PREP: variants seen among roughly 807,000 people sequenced by gnomAD.
PREP encodes the protein dJ355L5.1 (prolyl endopeptidase).
A neutral mutation model predicts 87.6 loss-of-function variants in PREP; 29 were observed. The observed-to-expected ratio is 0.33, with a 90% CI of 0.25 to 0.45. PREP has a LOEUF of 0.45. Ranked by LOEUF, PREP falls within the 20% of genes least tolerant of loss-of-function variation. The pLI is 1.00. For synonymous variants in PREP, 337 were observed against 328.6 expected, an observed-to-expected ratio of 1.03 and a Z score of -0.28; for missense variants, 695 against 886.5, an observed-to-expected ratio of 0.78 and a Z score of 2.74.
chr6:105,394,596 G>A (rs971098458), intron 2 of PREP, among the ~76,000 whole-genome samples: 4 of 152,150 alleles, frequency 2.6e-5, no homozygotes, highest in Non-Finnish European at 5.9e-5. Flanking sequence ...CTGAAAATTT[G>A]GTGAGTTCAG....
At chr6:105,342,624 T>C (rs540498711) in intron 7 of PREP, among the ~76,000 whole-genome samples, 69 of 152,250 alleles carry the variant, frequency 4.5e-4, no homozygotes, top group African/African-American at 1.6e-3. Flanking sequence ...GATTGTATAT[T>C]TAGAAAACCC....
chr6:105,345,529 T>G (rs769765679), intron 7 of PREP, among the ~76,000 whole-genome samples: 7 of 152,210 alleles, frequency 4.6e-5, no homozygotes, highest in Non-Finnish European at 1.0e-4. Context: ...CTACATGTCA[T>G]AGAAAATGCT....
At chr6:105,385,072 C>T (rs951603316) in intron 2 of PREP, among the ~76,000 whole-genome samples, 1 of 152,070 alleles carries the variant, frequency 6.6e-6, no homozygotes, top group African/African-American at 2.4e-5. Flanking sequence ...GACTGGATGA[C>T]CATGAGCAGG....
Position 105,278,141 on chromosome 6 carries a change from T to G in PREP, c.*3A>C. The G allele has an allele frequency of 1.2e-6, 2 of 1,605,022 alleles. No homozygotes were observed. Among genetic ancestry groups the G allele is most frequent in the Non-Finnish European group, 1.7e-6 (2 of 1,173,368 alleles). ...CGCTGTCAGGAGGAAGCACGAAAAC[T>G]GTTTATGGAATCCAGTCGACGTTCA... On this transcript the variant is annotated 3_prime_UTR_variant, in exon 15 of 15. Coordinates refer to ENST00000652536, the MANE Select transcript of PREP (RefSeq NM_002726.5). The surrounding 1 kb of genome is among the most constrained non-coding windows in gnomAD (Gnocchi z 4.2).
intron 7 of PREP, among the ~76,000 whole-genome samples, chr6:105,352,190 T>C (rs532764129): frequency 6.6e-6 from 1 of 152,334 alleles, no homozygotes; most frequent in African/African-American, 2.4e-5. Context: ...ATTAGCTTAG[T>C]GTCTGTCCTT....
At chr6:105,380,258 G>A (rs1257921606) in intron 2 of PREP, among the ~76,000 whole-genome samples, 1 of 152,148 alleles carries the variant, frequency 6.6e-6, no homozygotes, top group Non-Finnish European at 1.5e-5. Flanking sequence ...GGAAACAGCA[G>A]GTGTGGGAGT....
At chr6:105,300,623 T>TAAA (rs138225078) in intron 10 of PREP, among the ~76,000 whole-genome samples, 1 of 146,816 alleles carries the variant, frequency 6.8e-6, no homozygotes, top group Admixed American at 6.8e-5. Flanking sequence ...TGCTTTATGT[T>TAAA]AAAAAAAAAA....
intron 7 of PREP, among the ~76,000 whole-genome samples, chr6:105,343,775 C>T (rs1166765852): frequency 2.7e-4 from 41 of 152,170 alleles, no homozygotes; most frequent in East Asian, 1.9e-4. Context: ...AAAAAATGCT[C>T]ATCATCACTG....
chr6:105,387,216 C>CA (rs60303469), intron 2 of PREP, among the ~76,000 whole-genome samples: 45,203 of 144,462 alleles, frequency 0.31, 8,513 homozygotes, highest in African/African-American at 0.55. Flanking sequence ...GCCTCCATCT[C>CA]AAAAAAAAAA....
chr6:105,282,645 G>A, intron 12 of PREP, 63 bp from the exon 13 acceptor site: 1 of 1,562,114 alleles, frequency 6.4e-7, no homozygotes, highest in Non-Finnish European at 8.7e-7. Flanking sequence ...TTAATCTAAT[G>A]GGAATTCAAA....
At chr6:105,279,654 C>T (rs1770030723) in intron 14 of PREP, among the ~76,000 whole-genome samples, 1 of 152,176 alleles carries the variant, frequency 6.6e-6, no homozygotes, top group African/African-American at 2.4e-5. Context: ...GTGTGCTGGG[C>T]TTGAGGAGCT....
chr6:105,295,000 C>G (rs1269507572), intron 10 of PREP, among the ~76,000 whole-genome samples: 1 of 152,156 alleles, frequency 6.6e-6, no homozygotes, highest in Non-Finnish European at 1.5e-5. Context: ...TCTCCTCCCC[C>G]AGGCTGCTGG....
intron 6 of PREP, among the ~76,000 whole-genome samples, chr6:105,361,001 G>T (rs1482497552): frequency 6.6e-6 from 1 of 152,040 alleles, no homozygotes; most frequent in Non-Finnish European, 1.5e-5. Flanking sequence ...AGTCTTCAGG[G>T]TAAGTATGAA....
At position 105,277,961 on chromosome 6, in the gene PREP, G is replaced by A; in HGVS notation, c.*183C>T. Reference sequence around the variant, plus strand: ...ACAGGGTGGAAAAAGAAACACCAAGGCCTTGCTAAAAAGGAGAAGCCTAAA... The same window carrying A: ...ACAGGGTGGAAAAAGAAACACCAAGACCTTGCTAAAAAGGAGAAGCCTAAA... On this transcript the variant is annotated 3_prime_UTR_variant, in exon 15 of 15. Transcript: ENST00000652536. 1 of 848,268 alleles carries A rather than the reference G, an allele frequency of 1.2e-6. No individual in the cohort carries two copies. The highest frequency in any genetic ancestry group is 1.8e-6 in the Non-Finnish European group (1 of 547,174). The allele number at this position is 848,268 out of a possible 1,614,324, so 52.5% of individuals were successfully genotyped here. A position where few individuals can be genotyped will look rare whatever the true frequency, so the allele number is the denominator to read the frequency against.
At chr6:105,329,527 A>G (rs890119987) in intron 8 of PREP, among the ~76,000 whole-genome samples, 1 of 152,240 alleles carries the variant, frequency 6.6e-6, no homozygotes, top group Non-Finnish European at 1.5e-5. Context: ...TTTCCCAAGG[A>G]AATAAAATAC....
At chr6:105,353,114 A>G (rs369325513) in intron 6 of PREP, 37 bp from the exon 7 acceptor site, 1 of 1,478,300 alleles carries the variant, frequency 6.8e-7, no homozygotes, top group Non-Finnish European at 9.4e-7. Flanking sequence ...GGGACTAATT[A>G]GAATTTATTT....
intron 10 of PREP, among the ~76,000 whole-genome samples, chr6:105,318,197 G>A (rs183181293): frequency 2.6e-5 from 4 of 151,366 alleles, no homozygotes; most frequent in Admixed American, 2.6e-4. Context: ...TTTTTTTTCT[G>A]GGAATAAAAC....
At chr6:105,291,939 C>T (rs1020349106) in intron 10 of PREP, among the ~76,000 whole-genome samples, 5 of 152,316 alleles carry the variant, frequency 3.3e-5, no homozygotes, top group Admixed American at 6.5e-5. Flanking sequence ...TTGCTCACTC[C>T]TAAAAAGCAA....
Position 105,276,664 on chromosome 6 carries a change from C to T in PREP, c.*1480G>A, listed in dbSNP as rs817585. On this transcript the variant is annotated 3_prime_UTR_variant, in exon 15 of 15. Transcript: ENST00000652536. ...CAGAGGAGTTATGGTGAATCTTATACTCAATGACAACTGTATTATGTACCG... is the reference window on the plus strand; with the variant it reads ...CAGAGGAGTTATGGTGAATCTTATATTCAATGACAACTGTATTATGTACCG... 0.95 allele frequency among the ~76,000 whole-genome samples: 145,120 copies of T among 152,308 alleles called. 69,217 individuals carry two copies. The highest frequency in any genetic ancestry group is 1 in the East Asian group (5,187 of 5,188).
Sources: gnomAD v4.1 joint callset for allele counts (sites outside exome capture counted in the v4.1 genomes callset) on GRCh38, gnomAD v4.1.1 for gene constraint, Gnocchi (gnomAD v3.1) non-coding constraint, MANE v1.5 for transcripts, NCBI Gene and HGNC (gene_info 2026-07-23, HGNC 2026-07-21) for gene names.